CALB2: variants seen among roughly 807,000 people sequenced by gnomAD.
CALB2 encodes calbindin 2.
CALB2 carries 34 observed loss-of-function variants against 45.9 expected under a neutral mutation model. That is an observed-to-expected ratio of 0.74 (90% CI 0.56 to 0.99). CALB2 has a LOEUF of 0.99. CALB2 is among the 50% of genes least tolerant of loss of function. CALB2 has a pLI of 0.00. For synonymous variants in CALB2, 142 were observed against 129.6 expected (o/e 1.10, Z -0.65); for missense variants, 344 against 339.3 (o/e 1.01, Z -0.11).
intron 10 of CALB2, among the ~76,000 whole-genome samples, chr16:71,386,287 G>T (rs1419447428): frequency 6.6e-6 from 1 of 152,198 alleles, no homozygotes; most frequent in South Asian, 2.1e-4. Context: ...TGTTGTGGGG[G>T]ATGCTGCTGT....
At chr16:71,366,018 C>T (rs2042281755) in intron 1 of CALB2, among the ~76,000 whole-genome samples, 1 of 28,740 alleles carries the variant, frequency 3.5e-5, no homozygotes, top group Non-Finnish European at 7.0e-5. Context: ...TCTTCCCTCT[C>T]TCTCTCTTTT....
chr16:71,362,268 T>G (rs1302209422), intron 1 of CALB2, among the ~76,000 whole-genome samples: 1 of 152,204 alleles, frequency 6.6e-6, no homozygotes, highest in Non-Finnish European at 1.5e-5. Context: ...GCTCCTATTT[T>G]ACTGACCATC....
chr16:71,386,556 C>G (rs2042573450), intron 10 of CALB2, among the ~76,000 whole-genome samples: 1 of 152,158 alleles, frequency 6.6e-6, no homozygotes, highest in Non-Finnish European at 1.5e-5. Flanking sequence ...CCTGGGAGAC[C>G]CTCCCATGGG....
At chr16:71,380,157 G>C (rs1179589317) in intron 4 of CALB2, among the ~76,000 whole-genome samples, 1 of 151,966 alleles carries the variant, frequency 6.6e-6, no homozygotes, top group African/African-American at 2.4e-5. Flanking sequence ...ACCTTGTAGG[G>C]GGGGCAGGGA....
In CALB2 at chr16:71,382,748, T is replaced by C; in HGVS notation, c.372T>C (p.Ser124=). Residue 124 remains serine (S), a synonymous_variant, in exon 5 of 11, where the codon AGT becomes AGC. Transcript: ENST00000302628. ...GGCGGAAGTACGACACAGACAGGAG[T>C]GGCTACATCGAAGCCAATGAGCTCA... ...EAWRKYDTDR[S]GYIEANELKG... is the part of the protein sequence containing the mutation. 1 of 1,611,596 alleles carries C rather than the reference T, an allele frequency of 6.2e-7. No individual in the cohort carries two copies.
chr16:71,379,444 C>A (rs991163104), intron 4 of CALB2, among the ~76,000 whole-genome samples: 1 of 151,980 alleles, frequency 6.6e-6, no homozygotes. Flanking sequence ...TGATATTTAA[C>A]GATTTTTTAC....
At chr16:71,372,495 G>A (rs932628238) in intron 2 of CALB2, among the ~76,000 whole-genome samples, 16 of 152,264 alleles carry the variant, frequency 1.1e-4, no homozygotes, top group African/African-American at 3.4e-4. Flanking sequence ...CTGCGTATGC[G>A]TATATTAATA....
chr16:71,381,232 TCA>T (rs1326929660), intron 4 of CALB2, among the ~76,000 whole-genome samples: 1 of 152,238 alleles, frequency 6.6e-6, no homozygotes, highest in African/African-American at 2.4e-5. Flanking sequence ...TTGGAAATCC[TCA>T]CATATATTTT....
intron 10 of CALB2, among the ~76,000 whole-genome samples, chr16:71,389,336 G>A (rs535495833): frequency 1.3e-5 from 2 of 152,268 alleles, no homozygotes; most frequent in African/African-American, 2.4e-5. Context: ...GTTAACCGAG[G>A]CCCAGTGAGG....
intron 1 of CALB2, among the ~76,000 whole-genome samples, chr16:71,371,691 C>T (rs575616409): frequency 1.3e-5 from 2 of 152,162 alleles, no homozygotes; most frequent in African/African-American, 4.8e-5. Flanking sequence ...TCCAGTATGA[C>T]TCATCTTAAC....
intron 1 of CALB2, among the ~76,000 whole-genome samples, chr16:71,364,433 G>C (rs2042262412): frequency 6.6e-6 from 1 of 152,240 alleles, no homozygotes; most frequent in Admixed American, 6.5e-5. Context: ...AAAGGAGCTA[G>C]AATTAATAGA....
intron 1 of CALB2, among the ~76,000 whole-genome samples, chr16:71,371,408 TAACAC>T (rs953391008): frequency 3.3e-5 from 5 of 152,174 alleles, no homozygotes; most frequent in Non-Finnish European, 7.3e-5. Context: ...CTGGGTGACT[TAACAC>T]AACAGAAATG....
chr16:71,367,905 G>A (rs569362814), intron 1 of CALB2, among the ~76,000 whole-genome samples: 1 of 152,184 alleles, frequency 6.6e-6, no homozygotes, highest in South Asian at 2.1e-4. Flanking sequence ...CTCTCCACAG[G>A]GCTGCCCTTC....
intron 4 of CALB2, among the ~76,000 whole-genome samples, chr16:71,379,494 A>G (rs1320843843): frequency 2.6e-5 from 4 of 152,116 alleles, no homozygotes; most frequent in African/African-American, 4.8e-5. Context: ...AACCAAATAT[A>G]TTACTAATCC....
chr16:71,358,876 T>C lies in CALB2; in HGVS notation c.84T>C (p.Phe28=), dbSNP rs747418228. The C allele has an allele frequency of 2.5e-6, 4 of 1,613,124 alleles. No homozygotes were observed. The highest frequency in any genetic ancestry group is 3.4e-6 in the Non-Finnish European group (4 of 1,179,722). ...AGTTCCTGGAAATATGGAAGCACTTTGACGCAGACGGTCAGTAAAGCTCCC... is the reference window on the plus strand; with the variant it reads ...AGTTCCTGGAAATATGGAAGCACTTCGACGCAGACGGTCAGTAAAGCTCCC... The part of the protein sequence containing the change: ...ASQFLEIWKH[F]DADGNGYIEG... The change falls in exon 1 of 11, where the codon TTT becomes TTC. Residue 28 remains phenylalanine, a synonymous_variant. Transcript: ENST00000302628.
At chr16:71,370,740 G>C (rs1452340362) in intron 1 of CALB2, among the ~76,000 whole-genome samples, 1 of 152,130 alleles carries the variant, frequency 6.6e-6, no homozygotes, top group East Asian at 1.9e-4. Flanking sequence ...CAAAAAAAAG[G>C]AAAAATCCCC....
chr16:71,387,798 G>C (rs1219262677), intron 10 of CALB2, among the ~76,000 whole-genome samples: 1 of 152,222 alleles, frequency 6.6e-6, no homozygotes, highest in Non-Finnish European at 1.5e-5. Flanking sequence ...TATCTCAGGT[G>C]CACGCCAGTG....
chr16:71,377,195 T>C (rs1052479519), intron 3 of CALB2, among the ~76,000 whole-genome samples: 3 of 152,200 alleles, frequency 2.0e-5, no homozygotes, highest in African/African-American at 7.2e-5. Context: ...CTGCATCCAT[T>C]TGAAGTGTAA....
At chr16:71,372,910 G>C (rs1250545860) in intron 2 of CALB2, among the ~76,000 whole-genome samples, 4 of 152,224 alleles carry the variant, frequency 2.6e-5, no homozygotes, top group Non-Finnish European at 4.4e-5. Context: ...CTCTCAGCCA[G>C]TATCTGAACC....
Sources: gnomAD v4.1 joint callset for allele counts (sites outside exome capture counted in the v4.1 genomes callset) on GRCh38, gnomAD v4.1.1 for gene constraint, MANE v1.5 for transcripts, NCBI Gene and HGNC (gene_info 2026-07-23, HGNC 2026-07-21) for gene names.